The following SURF6 variants were observed in gnomAD, a reference collection of about 807,000 sequenced individuals.
The protein encoded by SURF6 is surfeit 6.
A neutral mutation model predicts 37.5 loss-of-function variants in SURF6; 28 were observed. The ratio of observed to expected loss-of-function variants is 0.75; its 90% CI spans 0.55 to 1.02. SURF6 has a LOEUF of 1.02. Ranked by LOEUF, SURF6 falls within the 50% of genes least tolerant of loss-of-function variation. The pLI is 0.00. For synonymous variants in SURF6, 248 were observed against 210.9 expected (o/e 1.18, Z -1.52); for missense variants, 560 against 490.5 (o/e 1.14, Z -1.34).
chr9:133,332,831 A>G, intron 3 of SURF6, 71 bp from the exon 4 acceptor site: 1 of 1,482,720 alleles, frequency 6.7e-7, no homozygotes, highest in Non-Finnish European at 9.2e-7. Flanking sequence ...CCCATAGTCG[A>G]GAAGAATCAG....
chr9:133,334,635 A>G lies in SURF6; in HGVS notation c.95-34T>C, dbSNP rs2129928727. On this transcript the variant is annotated intron_variant, in intron 1 of 4. Transcript: ENST00000372022. ...CAAAATAAGAAAGAGTTAAGTCCCA[A>G]TCTCATGGCCCATTCAATAGGCAGG... 68 of 1,598,622 alleles carry G rather than the reference A, an allele frequency of 4.3e-5. No homozygotes were observed. In the East Asian group the frequency reaches 1.4e-3, roughly 32 times the overall value.
chr9:133,332,019 G>C lies in SURF6; in HGVS notation c.936C>G (p.Ala312=). The C allele has an allele frequency of 1.9e-6, 3 of 1,600,870 alleles. No individual in the cohort carries two copies. Among genetic ancestry groups the C allele is most frequent in the African/African-American group, 1.3e-5 (1 of 75,012 alleles). ...GCTGCTGCATCTTCTCCACCACGCCGGCCGTGCGCTTCTCCCACCGGCGCT... is the reference window on the plus strand; with the variant it reads ...GCTGCTGCATCTTCTCCACCACGCCCGCCGTGCGCTTCTCCCACCGGCGCT... The part of the protein sequence containing the change: ...QRQRRWEKRT[A]GVVEKMQQRQ... The change falls in exon 5 of 5, where the codon GCC becomes GCG. Residue 312 remains alanine, a synonymous_variant. Coordinates refer to ENST00000372022, the MANE Select transcript of SURF6 (RefSeq NM_006753.6).
At chr9:133,333,642 G>T in intron 3 of SURF6, 76 bp downstream of exon 3, 1 of 1,393,860 alleles carries the variant, frequency 7.2e-7, no homozygotes, top group Non-Finnish European at 1.0e-6. Flanking sequence ...AGGGGCTACG[G>T]CCCCTCGCTG....
At chr9:133,335,093 G>A (rs2129929910) in intron 1 of SURF6, among the ~76,000 whole-genome samples, 4 of 152,214 alleles carry the variant, frequency 2.6e-5, no homozygotes, top group East Asian at 1.9e-4. Context: ...CGGAGTAGCT[G>A]GGACTACAGG....
Position 133,328,885 on chromosome 9 carries a change from G to C in SURF6, c.*2984C>G, listed in dbSNP as rs2129900410. ...TCCCTCCCTGTGTGCAGCAATGAGA[G>C]AGTGTAGAAATACACACACAAGACA... On this transcript the variant is annotated 3_prime_UTR_variant, in exon 5 of 5. Transcript: ENST00000372022. The C allele has an allele frequency of 6.6e-6, 1 of 152,638 alleles. No homozygotes were observed. Among genetic ancestry groups the C allele is most frequent in the Admixed American group, 6.5e-5 (1 of 15,306 alleles). The allele number at this position is 152,638 out of a possible 1,614,324, so 9.5% of individuals were successfully genotyped here. A position where few individuals can be genotyped will look rare whatever the true frequency, so the allele number is the denominator to read the frequency against.
chr9:133,335,415 C>A (rs987258902), intron 1 of SURF6, among the ~76,000 whole-genome samples: 1 of 151,990 alleles, frequency 6.6e-6, no homozygotes, highest in African/African-American at 2.4e-5. Context: ...TTTGCTATAA[C>A]CAATATATCG....
rs146687433 is a variant in SURF6 at position 133,332,715 on chromosome 9, G to A, written c.439C>T (p.Arg147Trp). Reference protein sequence around the residue: ...LSPAALEKRRRRKQERDRKKR... With the variant: ...LSPAALEKRRWRKQERDRKKR... ...TTCCGGTCCCGTTCCTGCTTTCTCC[G>A]CCGCCTTTTCTCCAAGGCGGCAGGG... The change falls in exon 4 of 5, where the codon CGG (arginine) becomes TGG (tryptophan). Residue 147 changes from arginine (R) to tryptophan (W), a missense_variant. Coordinates refer to ENST00000372022, the MANE Select transcript of SURF6 (RefSeq NM_006753.6). The A allele has an allele frequency of 1.0e-4, 166 of 1,611,640 alleles. No homozygotes were observed. In the East Asian group the frequency reaches 2.5e-3, roughly 24 times the overall value.
intron 4 of SURF6, 79 bp from the exon 5 acceptor site, chr9:133,332,427 G>A (rs930724506): frequency 4.6e-6 from 7 of 1,527,790 alleles, no homozygotes; most frequent in Admixed American, 2.0e-5. Flanking sequence ...AGGGACCTGC[G>A]AGGTCCCCGT....
chr9:133,333,170 G>A (rs2129922796), intron 3 of SURF6, among the ~76,000 whole-genome samples: 5 of 152,010 alleles, frequency 3.3e-5, no homozygotes, highest in African/African-American at 7.2e-5. Flanking sequence ...TCCCATCCCC[G>A]GGCCAACAAG....
At position 133,330,881 on chromosome 9, in the gene SURF6, G is replaced by A. The variant is rs1564330883; in HGVS notation, c.*988C>T. The stretch of plus-strand genomic sequence containing the variant: ...ATTCTTTTCAGATACTGTTGTGTCT[G>A]TCTCTCAGCTCAAGCTCATGCTCAC... On this transcript the variant is annotated 3_prime_UTR_variant, in exon 5 of 5. Transcript: ENST00000372022. 1 of 152,148 alleles carries A rather than the reference G, an allele frequency of 6.6e-6. No individual in the cohort carries two copies. The highest frequency in any genetic ancestry group is 1.5e-5 in the Non-Finnish European group (1 of 68,032). The allele number at this position is 152,148 out of a possible 1,614,324, so 9.4% of individuals were successfully genotyped here.
intron 1 of SURF6, among the ~76,000 whole-genome samples, chr9:133,335,560 G>A (rs13284477): frequency 0.068 from 10,292 of 151,990 alleles, 462 homozygotes; most frequent in Non-Finnish European, 0.11. Context: ...TACTTCCCTT[G>A]TGCAGCGTGG....
At chr9:133,332,522 C>G (rs2129918733) in intron 4 of SURF6, 26 bp downstream of exon 4, 4 of 1,600,066 alleles carry the variant, frequency 2.5e-6, no homozygotes, top group South Asian at 1.1e-5. Flanking sequence ...CGACCCAGCC[C>G]GCCCAAGGAC....
At position 133,333,821 on chromosome 9, in the gene SURF6, A is replaced by G; in HGVS notation, c.305-15T>C. The G allele has an allele frequency of 6.2e-7, 1 of 1,608,820 alleles. No homozygotes were observed. Among genetic ancestry groups the G allele is most frequent in the South Asian group, 1.1e-5 (1 of 90,638 alleles). On this transcript the variant is annotated splice_polypyrimidine_tract_variant and intron_variant, in intron 2 of 4. Transcript: ENST00000372022. ...GGCCAGGCCATCTGCAGGGAAGGAG[A>G]CAGGACTGCAGGGGGCCCTCTCTTC...
rs1835707622 is a variant in SURF6, at chr9:133,330,848, GA to G, written c.*1020del. The G allele has an allele frequency of 6.6e-6, 1 of 152,152 alleles. No individual in the cohort carries two copies. The highest frequency in any genetic ancestry group is 1.5e-5 in the Non-Finnish European group (1 of 68,034). The allele number at this position is 152,152 out of a possible 1,614,324, so 9.4% of individuals were successfully genotyped here. On this transcript the variant is annotated 3_prime_UTR_variant, in exon 5 of 5. Coordinates refer to ENST00000372022, the MANE Select transcript of SURF6 (RefSeq NM_006753.6). ...TCCATGTTCCATATATGCATGGAAA[GA>G]GTATGTATTCTTTTCAGATACTGTT...
chr9:133,334,512 C>G lies in SURF6; in HGVS notation c.184G>C (p.Ala62Pro). ...AAGGACTTGGCCTTGTGCTCAGCAGCCTTCTCTTCTCGCTTCCGGAATTTC... is the reference window on the plus strand; with the variant it reads ...AAGGACTTGGCCTTGTGCTCAGCAGGCTTCTCTTCTCGCTTCCGGAATTTC... ...QKKFRKREEK[A>P]AEHKAKSLGE... The change falls in exon 2 of 5, where the codon GCT becomes CCT. Residue 62 changes from alanine (A) to proline (P), a missense_variant. Ala to Pro is a conservative substitution (Grantham distance 27, BLOSUM62 -1). Coordinates refer to ENST00000372022, the MANE Select transcript of SURF6 (RefSeq NM_006753.6). 6.2e-7 allele frequency: 1 copy of G among 1,614,080 alleles called. No individual in the cohort carries two copies. The highest frequency in any genetic ancestry group is 8.5e-7 in the Non-Finnish European group (1 of 1,180,032).
At position 133,332,660 on chromosome 9, in the gene SURF6, T is replaced by C. The variant is rs2129920321; in HGVS notation, c.494A>G (p.Lys165Arg). The C allele has an allele frequency of 3.7e-6, 6 of 1,612,164 alleles. No homozygotes were observed. Among genetic ancestry groups the C allele is most frequent in the Non-Finnish European group, 5.1e-6 (6 of 1,179,986 alleles). The change falls in exon 4 of 5, where the codon AAA becomes AGA. Residue 165 changes from lysine to arginine, a missense_variant. By Grantham distance (26) the Lys-to-Arg change is conservative (BLOSUM62 2). Transcript: ENST00000372022. Reference protein sequence around the residue: ...KKRKRKELRAKEKARKAEEAT... With the variant: ...KKRKRKELRAREKARKAEEAT... Reference sequence around the variant, plus strand: ...CTCCTCAGCCTTCCTGGCCTTCTCTTTCGCCCGCAGCTCCTTTCGCTTCCT... The same window carrying C: ...CTCCTCAGCCTTCCTGGCCTTCTCTCTCGCCCGCAGCTCCTTTCGCTTCCT...
rs2129915743 is a variant in SURF6 at position 133,332,162 on chromosome 9, C to A, written c.793G>T (p.Glu265Ter). The part of the protein sequence containing the change: ...GQDEGKAQEL[E>*]AKMKWTNLLY... ...AGGTTGGTCCACTTCATCTTCGCCT[C>A]CAGCTCCTGCGCCTTCCCCTCATCC... Residue 265 changes from glutamate to a stop codon, truncating the protein, a stop_gained, in exon 5 of 5, where the codon GAG (glutamate) becomes TAG (stop). Transcript: ENST00000372022. LOFTEE classifies it high-confidence loss of function. 1 of 1,610,652 alleles carries A rather than the reference C, an allele frequency of 6.2e-7. No individual in the cohort carries two copies.
rs768813706 is a variant in SURF6, at chr9:133,334,418, G to A, written c.278C>T (p.Ala93Val). 1 of 1,613,564 alleles carries A rather than the reference G, an allele frequency of 6.2e-7. No homozygotes were observed. Among genetic ancestry groups the A allele is most frequent in the Non-Finnish European group, 8.5e-7 (1 of 1,180,014 alleles). Reference sequence around the variant, plus strand: ...TGCAGGGTTCCCTGCTGAGCTGGAAGCCCAAGCTGCTTCCTCTTTGGCTGC... The same window carrying A: ...TGCAGGGTTCCCTGCTGAGCTGGAAACCCAAGCTGCTTCCTCTTTGGCTGC... ...PEAAKEEAAW[A>V]SSSAGNPADG... The change falls in exon 2 of 5, where the codon GCT (alanine) becomes GTT (valine). Residue 93 changes from alanine to valine, a missense_variant. Physicochemically the swap from Ala to Val is moderately conservative, Grantham distance 64. Coordinates refer to ENST00000372022, the MANE Select transcript of SURF6 (RefSeq NM_006753.6).
rs2129933485 is a variant in SURF6 at position 133,336,024 on chromosome 9, G to A, written c.94+15C>T. 23 of 1,607,244 alleles carry A rather than the reference G, an allele frequency of 1.4e-5. No individual in the cohort carries two copies. Among genetic ancestry groups the A allele is most frequent in the Admixed American group, 1.7e-5 (1 of 59,908 alleles). The stretch of plus-strand genomic sequence containing the variant: ...TTCGCAGGCCCCTTAGTCCCGGCCC[G>A]GCCCTGTGCGTTACCCCGCGTGCGC... On this transcript the variant is annotated intron_variant, in intron 1 of 4. Transcript: ENST00000372022.
Sources: gnomAD v4.1 joint callset for allele counts (sites outside exome capture counted in the v4.1 genomes callset) on GRCh38, gnomAD v4.1.1 for gene constraint, MANE v1.5 for transcripts, NCBI Gene and HGNC (gene_info 2026-07-23, HGNC 2026-07-21) for gene names.